Variants in SETD5 observed in about 807,000 individuals in gnomAD.
SETD5 encodes SET domain containing 5, also known as histone-lysine N-methyltransferase SETD5.
A neutral mutation model predicts 153.3 loss-of-function variants in SETD5; 44 were observed. That is an observed-to-expected ratio of 0.29 (90% CI 0.23 to 0.37). The LOEUF (loss-of-function observed/expected upper bound fraction) is 0.37, where lower values mean the gene tolerates loss of function less well. Among genes scored for constraint, SETD5 ranks in the 10% least tolerant of loss-of-function variants. The pLI is 1.00. For synonymous variants in SETD5, 716 were observed against 645.2 expected (o/e 1.11, Z -1.66); for missense variants, 1,544 against 1,768.0 (o/e 0.87, Z 2.27).
chr3:9,402,725 TATGA>T (rs993140998), intron 1 of SETD5, among the ~76,000 whole-genome samples: 1 of 152,178 alleles, frequency 6.6e-6, no homozygotes, highest in African/African-American at 2.4e-5. Context: ...TGGCCTATGT[TATGA>T]ATCACAAAAA....
At position 9,477,259 on chromosome 3, in the gene SETD5, A is replaced by G. The variant is rs918634598; in HGVS notation, c.*1168A>G. 6.6e-6 allele frequency: 1 copy of G among 152,638 alleles called. No individual in the cohort carries two copies. The highest frequency in any genetic ancestry group is 1.9e-4 in the East Asian group (1 of 5,198). The allele number at this position is 152,638 out of a possible 1,614,324, so 9.5% of individuals were successfully genotyped here. Reference sequence around the variant, plus strand: ...CAGACCGGCTTCTCCCCATCAGTGCATTGTGCCTGTTGTACACCCCTGGAG... The same window carrying G: ...CAGACCGGCTTCTCCCCATCAGTGCGTTGTGCCTGTTGTACACCCCTGGAG... On this transcript the variant is annotated 3_prime_UTR_variant, in exon 23 of 23. Coordinates refer to ENST00000402198, the MANE Select transcript of SETD5 (RefSeq NM_001080517.3).
In SETD5 at chr3:9,476,907, A is replaced by G. The variant is rs1575639941; in HGVS notation, c.*816A>G. On this transcript the variant is annotated 3_prime_UTR_variant, in exon 23 of 23. Coordinates refer to ENST00000402198, the MANE Select transcript of SETD5 (RefSeq NM_001080517.3). ...ATGAGACATGATATAGGCCAATTGC[A>G]TTGCTACTTACCAGCTTTTGGCAAT... 2.0e-5 allele frequency: 3 copies of G among 152,768 alleles called. No individual in the cohort carries two copies. The highest frequency in any genetic ancestry group is 4.1e-4 in the South Asian group (2 of 4,830). 9.5% of individuals were successfully genotyped at this position (152,768 alleles called of 1,614,324 possible). A position where few individuals can be genotyped will look rare whatever the true frequency, so the allele number is the denominator to read the frequency against.
chr3:9,462,799 A>G (rs989554339), intron 17 of SETD5, among the ~76,000 whole-genome samples: 6 of 152,094 alleles, frequency 3.9e-5, no homozygotes, highest in African/African-American at 1.2e-4. Flanking sequence ...GTCTCTCTCC[A>G]CACATCAAGT....
In SETD5 at chr3:9,453,615, C is replaced by T. The variant is rs528620687; in HGVS notation, c.2347-124C>T. 4 of 855,734 alleles carry T rather than the reference C, an allele frequency of 4.7e-6. No individual in the cohort carries two copies. In the South Asian group the frequency reaches 1.0e-4, roughly 22 times the overall value. The allele number at this position is 855,734 out of a possible 1,614,324, so 53.0% of individuals were successfully genotyped here. A position where few individuals can be genotyped will look rare whatever the true frequency, so the allele number is the denominator to read the frequency against. ...TGCTGAGACACAAGACAATAAAATGCTTGACTGTGTAACTGAATTAGTGTG... is the reference window on the plus strand; with the variant it reads ...TGCTGAGACACAAGACAATAAAATGTTTGACTGTGTAACTGAATTAGTGTG... On this transcript the variant is annotated intron_variant, in intron 16 of 22. Coordinates refer to ENST00000402198, the MANE Select transcript of SETD5 (RefSeq NM_001080517.3).
At chr3:9,445,006 A>T (rs2041766973) in intron 11 of SETD5, 42 bp from the exon 12 acceptor site, 14 of 1,589,150 alleles carry the variant, frequency 8.8e-6, no homozygotes, top group Non-Finnish European at 1.2e-5. Context: ...ACTGAATTTC[A>T]AGGGTACTGA....
At position 9,434,192 on chromosome 3, in the gene SETD5, CTTCT is replaced by C; in HGVS notation, c.178-134_178-131del. On this transcript the variant is annotated intron_variant, in intron 4 of 22. Transcript: ENST00000402198. This position sits in a 1 kb window ranked among gnomAD's most constrained non-coding sequence, Gnocchi z 5.6. ...GCCAAAAAACAAAGGGTACTACTTT[CTTCT>C]TTCTTTCCATATGTACCATACTTTA... is the stretch of plus-strand genomic sequence containing the variant. 1 of 1,549,988 alleles carries C rather than the reference CTTCT, an allele frequency of 6.5e-7. No homozygotes were observed. Among genetic ancestry groups the C allele is most frequent in the South Asian group, 1.2e-5 (1 of 84,598 alleles).
At chr3:9,475,017 A>T in intron 21 of SETD5, 51 bp from the exon 22 acceptor site, 1 of 1,486,886 alleles carries the variant, frequency 6.7e-7, no homozygotes, top group African/African-American at 1.4e-5. Flanking sequence ...GCTCTTTCTT[A>T]CTTATTCTAA....
chr3:9,416,936 A>G (rs959998027), intron 1 of SETD5, among the ~76,000 whole-genome samples: 3 of 152,002 alleles, frequency 2.0e-5, no homozygotes, highest in African/African-American at 4.8e-5. Context: ...TTTCACCATA[A>G]AGTTTTTTTT....
chr3:9,438,178 C>T (rs1187519127), intron 7 of SETD5, among the ~76,000 whole-genome samples: 1 of 152,140 alleles, frequency 6.6e-6, no homozygotes, highest in Admixed American at 6.5e-5. Context: ...TGGGAGAGGA[C>T]TCAGAGCTAC....
intron 1 of SETD5, among the ~76,000 whole-genome samples, chr3:9,414,848 C>A (rs577568956): frequency 6.7e-6 from 1 of 150,098 alleles, no homozygotes. Context: ...TTATTGGTTA[C>A]TGAGTATTGG....
At chr3:9,402,576 T>C (rs2034972676) in intron 1 of SETD5, among the ~76,000 whole-genome samples, 1 of 152,190 alleles carries the variant, frequency 6.6e-6, no homozygotes, top group Non-Finnish European at 1.5e-5. Context: ...GATGCTCATG[T>C]CTGTTGCTTT....
In SETD5 at chr3:9,477,575, C is replaced by T. The variant is rs1009821694; in HGVS notation, c.*1484C>T. The T allele has an allele frequency of 6.6e-6, 1 of 152,468 alleles. No homozygotes were observed. Among genetic ancestry groups the T allele is most frequent in the Non-Finnish European group, 1.5e-5 (1 of 68,024 alleles). 9.4% of individuals were successfully genotyped at this position (152,468 alleles called of 1,614,324 possible). ...CTCTTGCATCCCCTTCTTTTCTACCCTGTCCTACAACTATCATATGCACAG... is the reference window on the plus strand; with the variant it reads ...CTCTTGCATCCCCTTCTTTTCTACCTTGTCCTACAACTATCATATGCACAG... On this transcript the variant is annotated 3_prime_UTR_variant, in exon 23 of 23. Coordinates refer to ENST00000402198, the MANE Select transcript of SETD5 (RefSeq NM_001080517.3).
chr3:9,440,960 A>G (rs763891512), intron 8 of SETD5, among the ~76,000 whole-genome samples: 1 of 152,120 alleles, frequency 6.6e-6, no homozygotes, highest in Non-Finnish European at 1.5e-5. Flanking sequence ...CTATAATACA[A>G]CACTTTGGCA....
At chr3:9,438,745 A>G (rs914310532) in intron 7 of SETD5, among the ~76,000 whole-genome samples, 2 of 152,198 alleles carry the variant, frequency 1.3e-5, no homozygotes, top group Non-Finnish European at 2.9e-5. Flanking sequence ...CACTGTTGAC[A>G]GTTTGGACCA....
At chr3:9,459,040 C>A (rs2043599880) in intron 17 of SETD5, among the ~76,000 whole-genome samples, 1 of 152,068 alleles carries the variant, frequency 6.6e-6, no homozygotes, top group Non-Finnish European at 1.5e-5. Flanking sequence ...CAGGATTCGA[C>A]AAACTCTTGG....
intron 7 of SETD5, among the ~76,000 whole-genome samples, chr3:9,440,070 A>G (rs2041082311): frequency 1.3e-5 from 2 of 152,226 alleles, no homozygotes; most frequent in South Asian, 4.1e-4. Flanking sequence ...AGCAGTGATA[A>G]ATTTGAGGTC....
intron 1 of SETD5, among the ~76,000 whole-genome samples, chr3:9,402,599 G>C (rs137903410): frequency 5.9e-5 from 9 of 152,304 alleles, no homozygotes; most frequent in African/African-American, 1.9e-4. Flanking sequence ...TTGGGCTGCT[G>C]CTTTCTCTTC....
chr3:9,415,084 G>A (rs1191007838), intron 1 of SETD5, among the ~76,000 whole-genome samples: 1 of 152,146 alleles, frequency 6.6e-6, no homozygotes, highest in Non-Finnish European at 1.5e-5. Flanking sequence ...GATTAAAAGA[G>A]ACAGTAACAT....
chr3:9,408,192 A>G (rs572800004), intron 1 of SETD5, among the ~76,000 whole-genome samples: 3 of 152,276 alleles, frequency 2.0e-5, no homozygotes, highest in Non-Finnish European at 2.9e-5. Flanking sequence ...GTCGCTACCT[A>G]GCAACCTAGT....
Sources: allele counts gnomAD v4.1 joint callset (sites outside exome capture counted in the v4.1 genomes callset), GRCh38; gene constraint gnomAD v4.1.1; non-coding constraint Gnocchi (gnomAD v3.1); transcripts MANE v1.5; gene names NCBI Gene and HGNC (gene_info 2026-07-23, HGNC 2026-07-21).